Variants in IL33 observed in about 807,000 individuals in gnomAD.
IL33 encodes the protein interleukin 33.
In IL33, 37 loss-of-function variants were observed where a neutral mutation model predicts 27.3. That is an observed-to-expected ratio of 1.36 (90% CI 1.04 to 1.78). IL33 has a LOEUF of 1.78. IL33 is among the 40% of genes most tolerant of loss of function. The pLI, the probability that IL33 is intolerant of heterozygous loss-of-function variation, is 0.00. For synonymous variants in IL33, 132 were observed against 102.9 expected, an observed-to-expected ratio of 1.28 and a Z score of -1.71; for missense variants, 406 against 311.4, an observed-to-expected ratio of 1.30 and a Z score of -2.29.
chr9:6,216,998 C>A (rs1296946971), intron 1 of IL33, among the ~76,000 whole-genome samples: 2 of 152,122 alleles, frequency 1.3e-5, no homozygotes, highest in Non-Finnish European at 2.9e-5. Flanking sequence ...CAAATCTCCC[C>A]AAAAATTTGG....
At chr9:6,255,564 T>C (rs961032340) in intron 7 of IL33, among the ~76,000 whole-genome samples, 11 of 152,114 alleles carry the variant, frequency 7.2e-5, no homozygotes, top group African/African-American at 2.7e-4. Context: ...TAATAATCAT[T>C]TATATTTACT....
At chr9:6,238,247 C>T (rs911131754) in intron 1 of IL33, among the ~76,000 whole-genome samples, 4 of 152,172 alleles carry the variant, frequency 2.6e-5, no homozygotes, top group African/African-American at 9.7e-5. Context: ...TTTCAGTCTA[C>T]TCATCTGTAA....
rs71328183 is a variant in IL33 at position 6,246,063 on chromosome 9, C to CAA, written c.91+4311_91+4312dup. On this transcript the variant is annotated intron_variant, in intron 2 of 7. Coordinates refer to ENST00000682010, the MANE Select transcript of IL33 (RefSeq NM_033439.4). Reference sequence around the variant, plus strand: ...GGGTGACAGAGCAAGACTCTGTCTCCAAAAAAAAAAAAAAAAAAAAAAAAA... The same window carrying CAA: ...GGGTGACAGAGCAAGACTCTGTCTCCAAAAAAAAAAAAAAAAAAAAAAAAAAA... Among the ~76,000 whole-genome samples, 4 of 49,596 alleles carry CAA rather than the reference C, an allele frequency of 8.1e-5. 1 individual carries two copies. The highest frequency in any genetic ancestry group is 3.3e-4 in the African/African-American group (4 of 12,090). 32.5% of individuals were successfully genotyped at this position (49,596 alleles called of 152,430 possible). A position where few individuals can be genotyped will look rare whatever the true frequency, so the allele number is the denominator to read the frequency against.
chr9:6,238,434 G>A (rs1223370327), intron 1 of IL33, among the ~76,000 whole-genome samples: 1 of 152,180 alleles, frequency 6.6e-6, no homozygotes, highest in African/African-American at 2.4e-5. Context: ...TCTTCAACTG[G>A]CTGACCATTG....
chr9:6,233,315 G>A (rs1487080135), intron 1 of IL33, among the ~76,000 whole-genome samples: 6 of 152,062 alleles, frequency 3.9e-5, no homozygotes, highest in African/African-American at 1.2e-4. Context: ...AGACCCTTAA[G>A]TTCACATCCC....
chr9:6,218,642 C>A (rs1055171923), intron 1 of IL33, among the ~76,000 whole-genome samples: 44 of 138,556 alleles, frequency 3.2e-4, no homozygotes, highest in African/African-American at 1.2e-3. Context: ...TATATTTTTT[C>A]TCCCTATACA....
At chr9:6,219,498 A>G (rs1195476084) in intron 1 of IL33, among the ~76,000 whole-genome samples, 1 of 152,138 alleles carries the variant, frequency 6.6e-6, no homozygotes, top group African/African-American at 2.4e-5. Flanking sequence ...GTATTTTTTA[A>G]GTGAAGAGTG....
At chr9:6,217,809 C>A (rs778132654) in intron 1 of IL33, among the ~76,000 whole-genome samples, 1 of 152,094 alleles carries the variant, frequency 6.6e-6, no homozygotes, top group African/African-American at 2.4e-5. Flanking sequence ...GAAAATAGCA[C>A]AAATCCAAAA....
At chr9:6,224,082 G>A (rs994209485) in intron 1 of IL33, among the ~76,000 whole-genome samples, 1 of 152,116 alleles carries the variant, frequency 6.6e-6, no homozygotes, top group East Asian at 1.9e-4. Flanking sequence ...CTAAATTTTA[G>A]AGACTAAAGT....
At chr9:6,228,096 T>C (rs934752325) in intron 1 of IL33, among the ~76,000 whole-genome samples, 1 of 152,224 alleles carries the variant, frequency 6.6e-6, no homozygotes. Context: ...AAGTTAAATA[T>C]GTGAAGCACT....
chr9:6,254,411 A>C (rs767056745), intron 6 of IL33, 51 bp from the exon 7 acceptor site: 7 of 1,191,702 alleles, frequency 5.9e-6, no homozygotes, highest in Non-Finnish European at 8.2e-6. Context: ...CATTTAAATA[A>C]AGATGAGTTA....
At chr9:6,251,315 C>A (rs1044681577) in intron 4 of IL33, 50 bp downstream of exon 4, 1 of 1,603,522 alleles carries the variant, frequency 6.2e-7, no homozygotes, top group Admixed American at 1.7e-5. Context: ...AGGTATGACA[C>A]AGGACCCCGG....
intron 1 of IL33, among the ~76,000 whole-genome samples, chr9:6,218,926 A>C (rs2066359): frequency 8.1e-6 from 1 of 123,122 alleles, no homozygotes; most frequent in African/African-American, 3.2e-5. Context: ...ATATATATAT[A>C]TATATATATA....
Position 6,254,546 on chromosome 9 carries a change from CTG to C in IL33, c.608_609del (p.Val203GlyfsTer4). The C allele has an allele frequency of 6.4e-7, 1 of 1,572,752 alleles. No homozygotes were observed. Among genetic ancestry groups the C allele is most frequent in the Non-Finnish European group, 8.6e-7 (1 of 1,161,598 alleles). On this transcript the variant is annotated frameshift_variant, in exon 7 of 8. Transcript: ENST00000682010. LOFTEE classifies it low-confidence loss of function (END_TRUNC). ...TTGCATGCCAACAACAAGGAACACT[CTG>C]TGGAGGTAAAAAAAAAAAATTTATC...
intron 1 of IL33, among the ~76,000 whole-genome samples, chr9:6,237,287 GA>G (rs1390577826): frequency 1.3e-5 from 2 of 152,124 alleles, no homozygotes; most frequent in South Asian, 2.1e-4. Context: ...ATTTTAGTAT[GA>G]AAAAAATGGT....
chr9:6,226,654 T>C (rs1254434718), intron 1 of IL33, among the ~76,000 whole-genome samples: 1 of 152,268 alleles, frequency 6.6e-6, no homozygotes, highest in East Asian at 1.9e-4. Context: ...ATATCTTTTA[T>C]GTCTAGATAT....
At chr9:6,216,086 G>C (rs1818129221) in intron 1 of IL33, among the ~76,000 whole-genome samples, 1 of 152,156 alleles carries the variant, frequency 6.6e-6, no homozygotes, top group African/African-American at 2.4e-5. Flanking sequence ...GATTGTAATA[G>C]TTTTTATAGT....
chr9:6,226,397 G>T (rs1458398583), intron 1 of IL33, among the ~76,000 whole-genome samples: 1 of 152,134 alleles, frequency 6.6e-6, no homozygotes. Context: ...CTGGAATGTT[G>T]TCAGCCATTA....
chr9:6,234,761 T>TC (rs57459277), intron 1 of IL33, among the ~76,000 whole-genome samples: 103,124 of 152,000 alleles, frequency 0.68, 35,599 homozygotes, highest in Middle Eastern at 0.77. Flanking sequence ...TGCCTCCGTC[T>TC]CCTTCTTTCC....
Sources: allele counts gnomAD v4.1 joint callset (sites outside exome capture counted in the v4.1 genomes callset), GRCh38; gene constraint gnomAD v4.1.1; transcripts MANE v1.5; gene names NCBI Gene and HGNC (gene_info 2026-07-23, HGNC 2026-07-21).